The following BZW2 variants were observed in gnomAD, a reference collection of about 807,000 sequenced individuals.
BZW2 encodes basic leucine zipper and W2 domains 2.
In BZW2, 23 loss-of-function variants were observed where a neutral mutation model predicts 53.2. That is an observed-to-expected ratio of 0.43 (90% CI 0.31 to 0.61). BZW2 has a LOEUF of 0.61. Ranked by LOEUF, BZW2 falls within the 20% of genes least tolerant of loss-of-function variation. The probability of loss-of-function intolerance (pLI) is 0.09; values close to 1 mark genes in which losing one functional copy is unlikely to be tolerated. For missense variants in BZW2, 409 were observed against 503.1 expected, an observed-to-expected ratio of 0.81 and a Z score of 1.79; for synonymous variants, 227 against 186.4, an observed-to-expected ratio of 1.22 and a Z score of -1.77.
Position 16,696,936 on chromosome 7 carries a change from G to A in BZW2, c.844G>A (p.Glu282Lys), listed in dbSNP as rs2128368550. The A allele has an allele frequency of 6.2e-7, 1 of 1,614,084 alleles. No homozygotes were observed. Among genetic ancestry groups the A allele is most frequent in the Non-Finnish European group, 8.5e-7 (1 of 1,179,970 alleles). ...GTAGGTGGTGCTTTATGTCAAAGAAGAAATGAAGAGGAATGATCTTCCAGA... is the reference window on the plus strand; with the variant it reads ...GTAGGTGGTGCTTTATGTCAAAGAAAAAATGAAGAGGAATGATCTTCCAGA... ...IKEVVLYVKE[E>K]MKRNDLPETA... Residue 282 changes from glutamate to lysine, a missense_variant, in exon 9 of 12, where the codon GAA (glutamate) becomes AAA (lysine). Glu to Lys is a moderately conservative substitution (Grantham distance 56). This residue lies in a region of BZW2 where 316 missense variants were observed against 366.8 expected (regional missense o/e 0.86). Transcript: ENST00000258761.
intron 11 of BZW2, among the ~76,000 whole-genome samples, chr7:16,705,547 T>C (rs918848386): frequency 2.0e-5 from 3 of 151,316 alleles, no homozygotes; most frequent in African/African-American, 7.3e-5. Context: ...TAGCCGGGCA[T>C]GGTGGTGGGC....
At chr7:16,679,227 A>G (rs1205217482) in intron 3 of BZW2, among the ~76,000 whole-genome samples, 2 of 152,176 alleles carry the variant, frequency 1.3e-5, no homozygotes, top group African/African-American at 2.4e-5. Context: ...TGTCCATGAA[A>G]TCTTCACAAT....
chr7:16,683,157 C>T (rs1044710495), intron 5 of BZW2, among the ~76,000 whole-genome samples: 1 of 152,152 alleles, frequency 6.6e-6, no homozygotes, highest in Non-Finnish European at 1.5e-5. Flanking sequence ...GATCACTCCA[C>T]TGCACTCCAG....
At chr7:16,663,419 A>C (rs1782326306) in intron 1 of BZW2, among the ~76,000 whole-genome samples, 1 of 152,150 alleles carries the variant, frequency 6.6e-6, no homozygotes, top group Non-Finnish European at 1.5e-5. Flanking sequence ...ATTATTTCTC[A>C]AGCCATGTAA....
At chr7:16,693,864 T>C (rs1325021834) in intron 7 of BZW2, among the ~76,000 whole-genome samples, 2 of 152,288 alleles carry the variant, frequency 1.3e-5, no homozygotes, top group South Asian at 2.1e-4. Context: ...TGATAGAACA[T>C]TGAAATTTGA....
chr7:16,684,825 C>T (rs920209346), intron 5 of BZW2, among the ~76,000 whole-genome samples: 4 of 152,074 alleles, frequency 2.6e-5, no homozygotes, highest in Non-Finnish European at 4.4e-5. Flanking sequence ...GGTTTGTTTC[C>T]AGTTCTGCCA....
intron 3 of BZW2, among the ~76,000 whole-genome samples, chr7:16,679,748 G>A (rs192192682): frequency 6.6e-6 from 1 of 152,076 alleles, no homozygotes; most frequent in Admixed American, 6.5e-5. Flanking sequence ...TTGTATCCTT[G>A]GTGCCTAGCA....
intron 10 of BZW2, among the ~76,000 whole-genome samples, chr7:16,698,519 T>C (rs1783574325): frequency 6.6e-6 from 1 of 152,216 alleles, no homozygotes; most frequent in South Asian, 2.1e-4. Context: ...CTAATAACAA[T>C]GATTATCAAA....
chr7:16,694,067 A>C (rs1411683701), intron 7 of BZW2, among the ~76,000 whole-genome samples: 3 of 152,170 alleles, frequency 2.0e-5, no homozygotes, highest in African/African-American at 7.2e-5. Flanking sequence ...AATCATCTTA[A>C]TTTCATAGAT....
At chr7:16,689,972 A>T in intron 7 of BZW2, 66 bp downstream of exon 7, 1 of 1,206,146 alleles carries the variant, frequency 8.3e-7, no homozygotes, top group South Asian at 1.4e-5. Context: ...CAATGCCTGC[A>T]ATGTAGTATA....
At chr7:16,660,008 C>T (rs139661195) in intron 1 of BZW2, among the ~76,000 whole-genome samples, 2,373 of 151,412 alleles carry the variant, frequency 0.016, 48 homozygotes, top group African/African-American at 0.052. Flanking sequence ...CCCTCCCCCA[C>T]CCCACAACAG....
chr7:16,694,974 G>A lies in BZW2; in HGVS notation c.792G>A (p.Glu264=). 6.3e-7 allele frequency: 1 copy of A among 1,590,098 alleles called. No homozygotes were observed. The highest frequency in any genetic ancestry group is 1.1e-5 in the South Asian group (1 of 89,508). The change falls in exon 8 of 12, where the codon GAG becomes GAA. Residue 264 remains glutamate (E), a synonymous_variant. Transcript: ENST00000258761. ...TRKELQKELQ[E]RLSQECPIKE... ...AGGAACTGCAGAAGGAGCTCCAGGA[G>A]CGTCTTTCTCAGGAATGCCCGATCA...
At chr7:16,688,847 TTAA>T (rs1287933815) in intron 6 of BZW2, among the ~76,000 whole-genome samples, 1 of 149,440 alleles carries the variant, frequency 6.7e-6, no homozygotes, top group Admixed American at 6.6e-5. Flanking sequence ...CATAACTAGC[TTAA>T]TAATGATTTT....
At chr7:16,685,870 CTTTTTCT>C in intron 5 of BZW2, 28 bp from the exon 6 acceptor site, 1 of 1,426,542 alleles carries the variant, frequency 7.0e-7, no homozygotes, top group Non-Finnish European at 9.2e-7. Flanking sequence ...TTTTCTTTTT[CTTTTTCT>C]TTTTTTTTTT....
At position 16,689,900 on chromosome 7, in the gene BZW2, G is replaced by C. The variant is rs1783248430; in HGVS notation, c.645G>C (p.Arg215Ser). 6.2e-7 allele frequency: 1 copy of C among 1,608,734 alleles called. No individual in the cohort carries two copies. Among genetic ancestry groups the C allele is most frequent in the Admixed American group, 1.7e-5 (1 of 59,374 alleles). Residue 215 changes from arginine (R) to serine (S), a missense_variant, in exon 7 of 12, where the codon AGG becomes AGC. Arg to Ser is a moderately radical substitution (Grantham distance 110). Around this residue, in one of 3 missense-constraint regions of BZW2, gnomAD observed 316 missense variants for 366.8 expected, o/e 0.86. Coordinates refer to ENST00000258761, the MANE Select transcript of BZW2 (RefSeq NM_014038.3). ...SSLRKANLDKRLLELFPVNRQ... is the reference protein window; with the variant it reads ...SSLRKANLDKSLLELFPVNRQ... ...TGAGAAAAGCCAACTTAGACAAGAG[G>C]CTGCTTGTAAGTGTTTTCTGGTTAA...
chr7:16,665,175 T>G (rs1412450187), intron 1 of BZW2, among the ~76,000 whole-genome samples: 2 of 151,918 alleles, frequency 1.3e-5, no homozygotes, highest in Admixed American at 1.3e-4. Flanking sequence ...GCGTGGTGGC[T>G]CACGCTTGTA....
At chr7:16,681,460 GA>G in intron 4 of BZW2, 56 bp downstream of exon 4, 1 of 1,414,972 alleles carries the variant, frequency 7.1e-7, no homozygotes, top group Non-Finnish European at 9.9e-7. Flanking sequence ...AAACTCTATA[GA>G]AGCTCTACAG....
At chr7:16,675,641 A>C (rs1782740291) in intron 3 of BZW2, among the ~76,000 whole-genome samples, 1 of 152,144 alleles carries the variant, frequency 6.6e-6, no homozygotes. Flanking sequence ...ATACTGAATT[A>C]GTTTTGTTGT....
intron 6 of BZW2, chr7:16,686,952 C>A (rs1783145989): frequency 6.6e-6 from 1 of 152,062 alleles, no homozygotes; most frequent in African/African-American, 2.4e-5. Context: ...AAGTATTTCC[C>A]TGAAGAAAAT....
Sources: allele counts gnomAD v4.1 joint callset (sites outside exome capture counted in the v4.1 genomes callset), GRCh38; gene constraint gnomAD v4.1.1; regional missense constraint gnomAD v4.1.1; transcripts MANE v1.5; gene names NCBI Gene and HGNC (gene_info 2026-07-23, HGNC 2026-07-21).